The following VWDE variants were observed in gnomAD, a reference collection of about 807,000 sequenced individuals.
VWDE encodes the protein von Willebrand factor D and EGF domain-containing protein.
VWDE carries 207 observed loss-of-function variants against 178.4 expected under a neutral mutation model. The ratio of observed to expected loss-of-function variants is 1.16; its 90% CI spans 1.04 to 1.30. The LOEUF is 1.30. Among genes scored for constraint, VWDE ranks in the 50% most tolerant of loss-of-function variants. VWDE has a pLI of 0.00. For missense variants in VWDE, 2,287 were observed against 1,901.3 expected, an observed-to-expected ratio of 1.20 and a Z score of -3.77; for synonymous variants, 738 against 651.4, an observed-to-expected ratio of 1.13 and a Z score of -2.02.
At chr7:12,359,109 G>A (rs982901694) in intron 16 of VWDE, among the ~76,000 whole-genome samples, 10 of 152,132 alleles carry the variant, frequency 6.6e-5, no homozygotes, top group Non-Finnish European at 1.0e-4. Context: ...ATGAAAGTGA[G>A]GAAGTTATAT....
intron 1 of VWDE, among the ~76,000 whole-genome samples, chr7:12,395,600 A>T (rs1784583391): frequency 6.6e-6 from 1 of 152,024 alleles, no homozygotes; most frequent in Admixed American, 6.6e-5. Context: ...TTAACTCAAA[A>T]TTTTATTTAT....
chr7:12,394,954 T>A (rs1784555981), intron 1 of VWDE, among the ~76,000 whole-genome samples: 1 of 152,186 alleles, frequency 6.6e-6, no homozygotes, highest in African/African-American at 2.4e-5. Flanking sequence ...CAAGTGGATC[T>A]CACAAGTGTA....
chr7:12,341,525 G>C (rs968463333), intron 23 of VWDE, among the ~76,000 whole-genome samples: 3 of 151,858 alleles, frequency 2.0e-5, no homozygotes, highest in Non-Finnish European at 4.4e-5. Flanking sequence ...CCAGCTACTC[G>C]GGAGGCTGAG....
intron 3 of VWDE, among the ~76,000 whole-genome samples, chr7:12,387,587 A>G (rs1784167235): frequency 6.6e-6 from 1 of 152,070 alleles, no homozygotes. Context: ...ACACACATAT[A>G]TATATAAATA....
chr7:12,369,978 A>G lies in VWDE; in HGVS notation c.2328T>C (p.Thr776=). 1.3e-6 allele frequency: 2 copies of G among 1,551,554 alleles called. No homozygotes were observed. The highest frequency in any genetic ancestry group is 1.7e-6 in the Non-Finnish European group (2 of 1,146,902). Residue 776 remains threonine, a synonymous_variant, in exon 12 of 29, where the codon ACT becomes ACC. Coordinates refer to ENST00000275358, the MANE Select transcript of VWDE (RefSeq NM_001135924.3). ...CAGCATGGTCCTCTGGGAAAAAATA[A>G]GTAAGTTCTTCCAGATCCGTTTGGC... ...SLSQTDLEEL[T]YFFPEDHAED...
chr7:12,354,421 A>C (rs1375899691), intron 18 of VWDE: 1 of 443,146 alleles, frequency 2.3e-6, no homozygotes, highest in African/African-American at 2.0e-5. Flanking sequence ...AAAGGTATTC[A>C]GGCATGCTAC....
intron 13 of VWDE, among the ~76,000 whole-genome samples, chr7:12,366,387 CA>C (rs147721493): frequency 0.018 from 2,749 of 152,150 alleles, 72 homozygotes; most frequent in African/African-American, 0.062. Flanking sequence ...TATAAATCTA[CA>C]AAATTCGCTC....
At chr7:12,366,955 A>G (rs1036651228) in intron 13 of VWDE, among the ~76,000 whole-genome samples, 7 of 152,116 alleles carry the variant, frequency 4.6e-5, no homozygotes, top group Non-Finnish European at 8.8e-5. Context: ...TAAGGAAAAT[A>G]TAAAGAATAA....
In VWDE at chr7:12,337,231, T is replaced by G; in HGVS notation, c.4408A>C (p.Arg1470=). The change falls in exon 25 of 29, where the codon AGA becomes CGA. Residue 1470 remains arginine (R), a synonymous_variant. Coordinates refer to ENST00000275358, the MANE Select transcript of VWDE (RefSeq NM_001135924.3). ...PPCKNGGHCM[R]NNVCVCREGY... Reference sequence around the variant, plus strand: ...TCACGACAGACGCACACATTATTTCTCATGCAGTGGCCACCATTCTTACAG... The same window carrying G: ...TCACGACAGACGCACACATTATTTCGCATGCAGTGGCCACCATTCTTACAG... The G allele has an allele frequency of 6.4e-7, 1 of 1,552,004 alleles. No homozygotes were observed. The highest frequency in any genetic ancestry group is 8.7e-7 in the Non-Finnish European group (1 of 1,147,028).
Position 12,357,503 on chromosome 7 carries a change from G to A in VWDE, c.3287C>T (p.Pro1096Leu), listed in dbSNP as rs1484791823. 4 of 1,552,104 alleles carry A rather than the reference G, an allele frequency of 2.6e-6. No homozygotes were observed. The highest frequency in any genetic ancestry group is 2.6e-6 in the Non-Finnish European group (3 of 1,147,086). ...TWSFLENNQP[P>L]VIQALQDKLQ... Reference sequence around the variant, plus strand: ...TTTGTCTTGCAATGCTTGAATCACTGGGGGCTGGTTGTCTGTAATAGAGAA... The same window carrying A: ...TTTGTCTTGCAATGCTTGAATCACTAGGGGCTGGTTGTCTGTAATAGAGAA... Residue 1096 changes from proline to leucine, a missense_variant, in exon 17 of 29, where the codon CCA becomes CTA. Coordinates refer to ENST00000275358, the MANE Select transcript of VWDE (RefSeq NM_001135924.3).
chr7:12,372,526 G>A (rs1214043527), intron 10 of VWDE, among the ~76,000 whole-genome samples: 1 of 151,872 alleles, frequency 6.6e-6, no homozygotes, highest in African/African-American at 2.4e-5. Flanking sequence ...ATATTAGCCT[G>A]CCAGGAGTAA....
rs926780823 is a variant in VWDE, at chr7:12,393,750, C to T, written c.87G>A (p.Gln29=). The T allele has an allele frequency of 6.4e-7, 1 of 1,550,460 alleles. No homozygotes were observed. Among genetic ancestry groups the T allele is most frequent in the African/African-American group, 1.4e-5 (1 of 72,954 alleles). Residue 29 remains glutamine, a synonymous_variant, in exon 2 of 29, where the codon CAG becomes CAA. Coordinates refer to ENST00000275358, the MANE Select transcript of VWDE (RefSeq NM_001135924.3). ...EAQECSPGGH[Q]FLRSPYRSVR... ...CACTTCTATAAGGACTCCGAAGAAACTGGTGTCCCCCAGGAGAGCACTCCT... is the reference window on the plus strand; with the variant it reads ...CACTTCTATAAGGACTCCGAAGAAATTGGTGTCCCCCAGGAGAGCACTCCT...
At chr7:12,349,368 TAAC>T (rs926164077) in intron 19 of VWDE, among the ~76,000 whole-genome samples, 2 of 151,040 alleles carry the variant, frequency 1.3e-5, no homozygotes, top group Admixed American at 6.6e-5. Flanking sequence ...TATAATAAAA[TAAC>T]AAATTTCAAA....
chr7:12,340,908 C>T (rs1781292683), intron 23 of VWDE, among the ~76,000 whole-genome samples: 1 of 152,182 alleles, frequency 6.6e-6, no homozygotes, highest in Non-Finnish European at 1.5e-5. Context: ...TCCTAGCACA[C>T]TCAAAAACAT....
At chr7:12,401,442 C>G (rs1161193429) in intron 1 of VWDE, among the ~76,000 whole-genome samples, 1 of 152,008 alleles carries the variant, frequency 6.6e-6, no homozygotes, top group Non-Finnish European at 1.5e-5. Context: ...ATAACTTATA[C>G]AACTCAATAA....
chr7:12,394,302 G>C (rs1462068302), intron 1 of VWDE, among the ~76,000 whole-genome samples: 7 of 147,076 alleles, frequency 4.8e-5, no homozygotes, highest in African/African-American at 2.5e-5. Context: ...TGCATTCTTG[G>C]ATGCAGAAAA....
Position 12,375,004 on chromosome 7 carries a change from G to T in VWDE, c.1242+6C>A, listed in dbSNP as rs937478179. On this transcript the variant is annotated splice_donor_region_variant and intron_variant, in intron 8 of 28. Transcript: ENST00000275358. ...ACTTGCAGTATTAGTGTTGTAATTT[G>T]TCAACCTGGATGCTGTCTGGAATGT... is the stretch of plus-strand genomic sequence containing the variant. 18 of 1,549,548 alleles carry T rather than the reference G, an allele frequency of 1.2e-5. No homozygotes were observed. The highest frequency in any genetic ancestry group is 1.5e-5 in the Non-Finnish European group (17 of 1,145,452).
At position 12,389,354 on chromosome 7, in the gene VWDE, T is replaced by G; in HGVS notation, c.248A>C (p.Asn83Thr). Residue 83 changes from asparagine (N) to threonine (T), a missense_variant, in exon 3 of 29, where the codon AAC becomes ACC. Asn to Thr is a moderately conservative substitution (Grantham distance 65, BLOSUM62 0). Coordinates refer to ENST00000275358, the MANE Select transcript of VWDE (RefSeq NM_001135924.3). The stretch of plus-strand genomic sequence containing the variant: ...GATGGGGGCCTGAGTTCCACAATGG[T>G]TCATCTTTTGCAGGAGAGAAAACAA... Reference protein sequence around the residue: ...AEMPTKCVEMNHCGTQAPIWL... With the variant: ...AEMPTKCVEMTHCGTQAPIWL... 1 of 1,538,360 alleles carries G rather than the reference T, an allele frequency of 6.5e-7. No individual in the cohort carries two copies.
chr7:12,330,992 A>C lies in VWDE; in HGVS notation c.*191T>G. ...TATCCCATCTCAACATCAAATTTAG[A>C]TTACCTGGATTTCTTCTTTGCTTTT... is the stretch of plus-strand genomic sequence containing the variant. On this transcript the variant is annotated 3_prime_UTR_variant, in exon 29 of 29. Transcript: ENST00000275358. 1 of 506,014 alleles carries C rather than the reference A, an allele frequency of 2.0e-6. No homozygotes were observed. The highest frequency in any genetic ancestry group is 2.9e-5 in the South Asian group (1 of 34,546). The allele number at this position is 506,014 out of a possible 1,614,324, so 31.3% of individuals were successfully genotyped here. A position where few individuals can be genotyped will look rare whatever the true frequency, so the allele number is the denominator to read the frequency against.
Sources: gnomAD v4.1 joint callset for allele counts (sites outside exome capture counted in the v4.1 genomes callset) on GRCh38, gnomAD v4.1.1 for gene constraint, MANE v1.5 for transcripts, NCBI Gene and HGNC (gene_info 2026-07-23, HGNC 2026-07-21) for gene names.